ZNF157: variants seen among roughly 807,000 people sequenced by gnomAD.
ZNF157 encodes zinc finger protein 157.
A neutral mutation model predicts 9.4 loss-of-function variants in ZNF157; 8 were observed. That is an observed-to-expected ratio of 0.85 (90% CI 0.50 to 1.53). ZNF157 has a LOEUF of 1.53. ZNF157 is among the 40% of genes most tolerant of loss of function. The probability of loss-of-function intolerance (pLI) is 0.00; values close to 1 mark genes in which losing one functional copy is unlikely to be tolerated. For synonymous variants in ZNF157, 120 were observed against 130.8 expected (o/e 0.92, Z 0.56); for missense variants, 316 against 385.2 (o/e 0.82, Z 1.50).
At chrX:47,374,075 G>C (rs2147399086) in intron 1 of ZNF157, among the ~76,000 whole-genome samples, 1 of 110,676 alleles carries the variant, frequency 9.0e-6, no homozygotes, top group African/African-American at 3.3e-5. Context: ...CTTGTAGCTG[G>C]TCAGTACGAA....
chrX:47,410,353 C>G lies in ZNF157; in HGVS notation c.150C>G (p.Thr50=), dbSNP rs1462376330. The G allele has an allele frequency of 1.7e-6, 2 of 1,211,519 alleles. No individual in the cohort carries two copies. ...EWHRLDPAQR[T]MHKDVMLETY... Reference sequence around the variant, plus strand: ...ACAGACTGGACCCTGCTCAGAGGACCATGCACAAGGATGTGATGCTGGAGA... The same window carrying G: ...ACAGACTGGACCCTGCTCAGAGGACGATGCACAAGGATGTGATGCTGGAGA... The change falls in exon 2 of 4, where the codon ACC becomes ACG. Residue 50 remains threonine (T), a synonymous_variant. Transcript: ENST00000377073.
At chrX:47,371,815 G>T (rs987021110) in intron 1 of ZNF157, among the ~76,000 whole-genome samples, 1 of 111,055 alleles carries the variant, frequency 9.0e-6, no homozygotes, top group African/African-American at 3.3e-5. Context: ...CACCATGTTG[G>T]CCAGGCTGGT....
intron 1 of ZNF157, among the ~76,000 whole-genome samples, chrX:47,380,125 C>T (rs757252784): frequency 1.8e-5 from 2 of 110,598 alleles, no homozygotes; most frequent in Non-Finnish European, 3.8e-5. Flanking sequence ...GGACAATTGA[C>T]ATGTTAACAG....
intron 1 of ZNF157, among the ~76,000 whole-genome samples, chrX:47,380,954 A>G (rs2055860359): frequency 1.0e-5 from 1 of 97,324 alleles, no homozygotes; most frequent in African/African-American, 3.8e-5. Flanking sequence ...GAGGAGCAGG[A>G]GAAAGAAAAG....
intron 1 of ZNF157, among the ~76,000 whole-genome samples, chrX:47,398,593 C>T (rs1421085974): frequency 1.8e-5 from 2 of 110,779 alleles, no homozygotes; most frequent in Non-Finnish European, 3.8e-5. Flanking sequence ...ATACAACCTC[C>T]ACCTCCTGGG....
chrX:47,410,987 T>C (rs1384666724), intron 3 of ZNF157, among the ~76,000 whole-genome samples: 1 of 107,405 alleles, frequency 9.3e-6, no homozygotes, highest in East Asian at 2.8e-4. Flanking sequence ...TCTCCGGTTT[T>C]ATCTTGATTT....
intron 1 of ZNF157, among the ~76,000 whole-genome samples, chrX:47,394,642 A>G (rs929131266): frequency 4.5e-5 from 5 of 111,807 alleles, no homozygotes; most frequent in Non-Finnish European, 9.4e-5. Context: ...TTTTTCATCT[A>G]GTTTCCAATA....
rs202099474 is a variant in ZNF157 at position 47,412,805 on chromosome X, A to G, written c.732A>G (p.Arg244=). The G allele has an allele frequency of 8.3e-7, 1 of 1,210,197 alleles. No homozygotes were observed. Among genetic ancestry groups the G allele is most frequent in the East Asian group, 3.0e-5 (1 of 33,765 alleles). The change falls in exon 4 of 4, where the codon AGA becomes AGG. Residue 244 remains arginine, a synonymous_variant. Transcript: ENST00000377073. ...ATACAAGAACACACACTGGAGAGAG[A>G]CCCTATGAATGTACTGAATGTGGGA... ...ILHTRTHTGE[R]PYECTECGKT...
At chrX:47,403,090 G>C (rs1037013222) in intron 1 of ZNF157, among the ~76,000 whole-genome samples, 2 of 97,166 alleles carry the variant, frequency 2.1e-5, no homozygotes, top group Non-Finnish European at 4.2e-5. Flanking sequence ...GTGAAACCCT[G>C]TCTCTACTGA....
In ZNF157 at chrX:47,412,996, G is replaced by C; in HGVS notation, c.923G>C (p.Gly308Ala). ...AAACCTTATGAATGTGGGGAGTGTGGGAAAAACTTCCGTGCAAAGAAATCC... is the reference window on the plus strand; with the variant it reads ...AAACCTTATGAATGTGGGGAGTGTGCGAAAAACTTCCGTGCAAAGAAATCC... Reference protein sequence around the residue: ...GEKPYECGECGKNFRAKKSLN... With the variant: ...GEKPYECGECAKNFRAKKSLN... The change falls in exon 4 of 4, where the codon GGG (glycine) becomes GCG (alanine). Residue 308 changes from glycine (G) to alanine (A), a missense_variant. Physicochemically the swap from Gly to Ala is moderately conservative, Grantham distance 60. This residue lies in a region of ZNF157 where 167 missense variants were observed against 183.6 expected (regional missense o/e 0.91). Transcript: ENST00000377073. 8.3e-7 allele frequency: 1 copy of C among 1,210,258 alleles called. No individual in the cohort carries two copies. The highest frequency in any genetic ancestry group is 1.1e-6 in the Non-Finnish European group (1 of 894,704).
intron 1 of ZNF157, among the ~76,000 whole-genome samples, chrX:47,402,794 G>C (rs1364880384): frequency 9.2e-6 from 1 of 108,333 alleles, no homozygotes; most frequent in South Asian, 4.0e-4. Context: ...CGCCTGTCTC[G>C]GCCTCCCAAA....
Position 47,375,238 on chromosome X carries a change from A to T in ZNF157, c.72+4498A>T, listed in dbSNP as rs182426507. On this transcript the variant is annotated intron_variant, in intron 1 of 3. Coordinates refer to ENST00000377073, the MANE Select transcript of ZNF157 (RefSeq NM_003446.4). ...CACCATGTTGGCCAGGCTGGCCTTG[A>T]ACTCCTGACCTTGTGATCCACCCAC... Among the ~76,000 whole-genome samples, 26 of 107,449 alleles carry T rather than the reference A, an allele frequency of 2.4e-4. No homozygotes were observed. In the East Asian group the frequency reaches 7.1e-3, roughly 29 times the overall value. The allele number at this position is 107,449 out of a possible 115,157, so 93.3% of individuals were successfully genotyped here.
At chrX:47,380,402 A>G (rs1302293195) in intron 1 of ZNF157, among the ~76,000 whole-genome samples, 3 of 111,375 alleles carry the variant, frequency 2.7e-5, no homozygotes, top group Non-Finnish European at 3.8e-5. Context: ...CTGGGTCTAT[A>G]TTACCCCTCC....
rs543372119 is a variant in ZNF157, at chrX:47,393,743, CTT to C, written c.73-16520_73-16519del. ...ACCATCCCCGCCACCCTCCCCCGCC[CTT>C]TTTTTTTTTTTTAGACAAAGTCTTG... On this transcript the variant is annotated intron_variant, in intron 1 of 3. Coordinates refer to ENST00000377073, the MANE Select transcript of ZNF157 (RefSeq NM_003446.4). Among the ~76,000 whole-genome samples the C allele has an allele frequency of 4.4e-3, 325 of 73,617 alleles. 7 individuals are homozygous for C. Among genetic ancestry groups the C allele is most frequent in the Admixed American group, 6.4e-3 (38 of 5,984 alleles). 63.9% of individuals were successfully genotyped at this position (73,617 alleles called of 115,157 possible).
chrX:47,406,378 C>CT (rs1382493751), intron 1 of ZNF157, among the ~76,000 whole-genome samples: 2 of 108,423 alleles, frequency 1.8e-5, no homozygotes, highest in African/African-American at 6.7e-5. Flanking sequence ...CTCTCTCTCT[C>CT]TTTTTCTTTT....
At chrX:47,391,462 G>A (rs1313880823) in intron 1 of ZNF157, 1 of 112,155 alleles carries the variant, frequency 8.9e-6, no homozygotes, top group Non-Finnish European at 1.9e-5. Context: ...AATCCAAAAT[G>A]CTTTAATGAG....
chrX:47,390,571 G>T (rs1228327609), intron 1 of ZNF157, among the ~76,000 whole-genome samples: 1 of 112,087 alleles, frequency 8.9e-6, no homozygotes, highest in Non-Finnish European at 1.9e-5. Context: ...TGGGTGTGGT[G>T]GTGCATGCCT....
intron 1 of ZNF157, among the ~76,000 whole-genome samples, chrX:47,387,270 T>G (rs945852343): frequency 9.0e-6 from 1 of 110,788 alleles, no homozygotes; most frequent in African/African-American, 3.3e-5. Flanking sequence ...ATTACAGGCA[T>G]GCACCACCAT....
chrX:47,406,104 T>C (rs779735024), intron 1 of ZNF157, among the ~76,000 whole-genome samples: 6 of 109,698 alleles, frequency 5.5e-5, no homozygotes, highest in African/African-American at 1.3e-4. Flanking sequence ...ATTATTATTT[T>C]AAATAGATAG....
Sources: allele counts gnomAD v4.1 joint callset (sites outside exome capture counted in the v4.1 genomes callset), GRCh38; gene constraint gnomAD v4.1.1; regional missense constraint gnomAD v4.1.1; transcripts MANE v1.5; gene names NCBI Gene and HGNC (gene_info 2026-07-23, HGNC 2026-07-21).